The following TRIM5 variants were observed in gnomAD, a reference collection of about 807,000 sequenced individuals.
TRIM5 encodes the protein tripartite motif-containing protein 5.
Under a neutral mutation model 35.6 loss-of-function variants are expected in TRIM5, and 31 were observed. That is an observed-to-expected ratio of 0.87 (90% CI 0.65 to 1.18). The LOEUF is 1.18. Ranked by LOEUF, TRIM5 falls within the 50% of genes most tolerant of loss-of-function variation. TRIM5 has a pLI of 0.00. For missense variants in TRIM5, 609 were observed against 591.6 expected, an observed-to-expected ratio of 1.03 and a Z score of -0.31; for synonymous variants, 243 against 215.6, an observed-to-expected ratio of 1.13 and a Z score of -1.11.
the TRIM5 span, chr11:5,641,214 T>C: frequency 1.2e-6 from 2 of 1,613,970 alleles, no homozygotes; most frequent in Non-Finnish European, 1.7e-6. Flanking sequence ...CCAGGAGTGG[T>C]GCTTGTGAGT....
chr11:5,673,448 A>T (rs1851716925), intron 4 of TRIM5, among the ~76,000 whole-genome samples: 13 of 152,160 alleles, frequency 8.5e-5, no homozygotes, highest in Admixed American at 8.5e-4. Context: ...TAAAGAATTA[A>T]GAAAAGGAAA....
chr11:5,616,628 G>T, the TRIM5 span, among the ~76,000 whole-genome samples: 1 of 145,036 alleles, frequency 6.9e-6, no homozygotes, highest in Non-Finnish European at 1.5e-5. Flanking sequence ...CCATCTTTTA[G>T]AAGATAAATT....
intron 5 of TRIM5, 183 bp from the exon 6 acceptor site, chr11:5,666,264 C>T (rs780577165): frequency 2.4e-4 from 164 of 671,356 alleles, no homozygotes; most frequent in Non-Finnish European, 3.7e-4. Context: ...TTTGCCTTCC[C>T]ACTTACTTTC....
In TRIM5 at chr11:5,669,297, C is replaced by G. The variant is rs56960284; in HGVS notation, c.745-1586G>C. 3.9e-3 allele frequency among the ~76,000 whole-genome samples: 596 copies of G among 152,166 alleles called. 9 individuals carry two copies. The highest frequency in any genetic ancestry group is 0.014 in the African/African-American group (569 of 41,508). On this transcript the variant is annotated intron_variant, in intron 4 of 7. Coordinates refer to ENST00000380034, the MANE Select transcript of TRIM5 (RefSeq NM_033034.3). ...GTTTCTCCATGTTGGTCGGGCTGGT[C>G]TTGAACTCCCAACCTCAGGCGATCC... is the stretch of plus-strand genomic sequence containing the variant.
At chr11:5,611,141 G>T in the TRIM5 span, 9 of 1,613,986 alleles carry the variant, frequency 5.6e-6, no homozygotes, top group Non-Finnish European at 7.6e-6. Context: ...CCCCTTCCCT[G>T]CTTCTCTCCA....
At chr11:5,651,829 T>C in the TRIM5 span, among the ~76,000 whole-genome samples, 1 of 152,224 alleles carries the variant, frequency 6.6e-6, no homozygotes, top group Non-Finnish European at 1.5e-5. Flanking sequence ...TTTTTAATAA[T>C]AGCCATTTAG....
At chr11:5,660,935 G>A (rs1017304701), downstream of TRIM5, among the ~76,000 whole-genome samples, 2 of 150,736 alleles carry the variant, frequency 1.3e-5, no homozygotes, top group South Asian at 2.1e-4. Flanking sequence ...CCAGCTACTC[G>A]GGAGACTGAG....
chr11:5,591,375 G>A, the TRIM5 span, among the ~76,000 whole-genome samples: 3 of 152,206 alleles, frequency 2.0e-5, no homozygotes, highest in Non-Finnish European at 4.4e-5. Context: ...TTAGCCGGGC[G>A]TGGTGGCTCA....
In TRIM5 at chr11:5,664,774, G is replaced by C. The variant is rs756391552; in HGVS notation, c.*35C>G. On this transcript the variant is annotated 3_prime_UTR_variant, in exon 8 of 8. Transcript: ENST00000380034. ...TGTATGAGATGCACCTGGACAAGAG[G>C]TGCTGTACAGAAGGGGCTGAGTGTG... 1.2e-5 allele frequency: 19 copies of C among 1,540,460 alleles called. No individual in the cohort carries two copies. The highest frequency in any genetic ancestry group is 1.7e-5 in the Non-Finnish European group (19 of 1,149,782).
rs781333369 is a variant in TRIM5 at position 5,669,981 on chromosome 11, A to G, written c.745-2270T>C. 89 of 161,214 alleles carry G rather than the reference A, an allele frequency of 5.5e-4. 1 individual carries two copies. The highest frequency in any genetic ancestry group is 2.7e-4 in the Non-Finnish European group (19 of 71,166). The allele number at this position is 161,214 out of a possible 1,614,324, so 10.0% of individuals were successfully genotyped here. A position where few individuals can be genotyped will look rare whatever the true frequency, so the allele number is the denominator to read the frequency against. On this transcript the variant is annotated intron_variant, in intron 4 of 7. Coordinates refer to ENST00000380034, the MANE Select transcript of TRIM5 (RefSeq NM_033034.3). Reference sequence around the variant, plus strand: ...CAGAGCGAGACTTCATCTGAAAACAAAAAACAAAAATATGATCAATGTCCT... The same window carrying G: ...CAGAGCGAGACTTCATCTGAAAACAGAAAACAAAAATATGATCAATGTCCT...
the TRIM5 span, among the ~76,000 whole-genome samples, chr11:5,604,041 G>C: frequency 6.6e-6 from 1 of 152,082 alleles, no homozygotes; most frequent in African/African-American, 2.4e-5. Context: ...TGTCGCCCAG[G>C]TTGGAGTGCA....
chr11:5,608,408 G>C, the TRIM5 span: 1 of 1,613,448 alleles, frequency 6.2e-7, no homozygotes, highest in African/African-American at 1.3e-5. Context: ...TGTGTAAGGA[G>C]AACATGAGGT....
At chr11:5,600,889 G>A in the TRIM5 span, among the ~76,000 whole-genome samples, 1 of 152,084 alleles carries the variant, frequency 6.6e-6, no homozygotes, top group African/African-American at 2.4e-5. Context: ...AGGTAGACAA[G>A]CAGAACAAAT....
chr11:5,657,635 ATAT>A, the TRIM5 span, among the ~76,000 whole-genome samples: 6 of 124,710 alleles, frequency 4.8e-5, no homozygotes, highest in Non-Finnish European at 6.4e-5. Context: ...TGCATTATAT[ATAT>A]TATTTATATA....
At chr11:5,596,520 T>TCCCCCCCTTCCCCC in the TRIM5 span, 1 of 6,984 alleles carries the variant, frequency 1.4e-4, no homozygotes, top group Non-Finnish European at 3.5e-4. Context: ...CGTTCTCCCC[T>TCCCCCCCTTCCCCC]TCCCCCCTTC....
chr11:5,605,179 G>A, the TRIM5 span: 1 of 981,218 alleles, frequency 1.0e-6, no homozygotes, highest in Non-Finnish European at 1.6e-6. Flanking sequence ...AAGAAGGAAA[G>A]AACAGGCTAC....
chr11:5,647,319 A>T, the TRIM5 span, among the ~76,000 whole-genome samples: 1 of 152,198 alleles, frequency 6.6e-6, no homozygotes, highest in African/African-American at 2.4e-5. Flanking sequence ...ACTCTTCTAA[A>T]GTATCTGACT....
chr11:5,653,480 T>G, the TRIM5 span, among the ~76,000 whole-genome samples: 1 of 149,444 alleles, frequency 6.7e-6, no homozygotes, highest in Non-Finnish European at 1.5e-5. Flanking sequence ...TTTTCCGATT[T>G]TTTTTTGTTT....
the TRIM5 span, among the ~76,000 whole-genome samples, chr11:5,591,502 G>C: frequency 6.6e-6 from 1 of 152,180 alleles, no homozygotes; most frequent in Non-Finnish European, 1.5e-5. Context: ...TACAAAATTA[G>C]CTGGGCGTGT....
Sources: allele counts gnomAD v4.1 joint callset (sites outside exome capture counted in the v4.1 genomes callset), GRCh38; gene constraint gnomAD v4.1.1; transcripts MANE v1.5; gene names NCBI Gene and HGNC (gene_info 2026-07-23, HGNC 2026-07-21).